Variants in GFRAL observed in about 807,000 individuals in gnomAD.
GFRAL encodes GDNF family receptor alpha-like.
In GFRAL, 36 loss-of-function variants were observed where a neutral mutation model predicts 45.4. That is an observed-to-expected ratio of 0.79 (90% CI 0.61 to 1.05). GFRAL has a LOEUF of 1.05. GFRAL is among the 50% of genes least tolerant of loss of function. The pLI, the probability that GFRAL is intolerant of heterozygous loss-of-function variation, is 0.00. For missense variants in GFRAL, 507 were observed against 467.5 expected, an observed-to-expected ratio of 1.08 and a Z score of -0.78; for synonymous variants, 166 against 154.1, an observed-to-expected ratio of 1.08 and a Z score of -0.57.
chr6:55,340,671 TG>T (rs1484340150), intron 3 of GFRAL, among the ~76,000 whole-genome samples: 1 of 151,890 alleles, frequency 6.6e-6, no homozygotes, highest in Non-Finnish European at 1.5e-5. Flanking sequence ...TGTCAGACAG[TG>T]GGGGCAGGAT....
rs1046119728 is a variant in GFRAL at position 55,390,911 on chromosome 6, C to T, written c.953-8269C>T. ...TCACACACATACACACACACACACA[C>T]ACACACACACACACACACACACAAG... On this transcript the variant is annotated intron_variant, in intron 6 of 8. Coordinates refer to ENST00000340465, the MANE Select transcript of GFRAL (RefSeq NM_207410.2). Among the ~76,000 whole-genome samples the T allele has an allele frequency of 1.1e-3, 165 of 151,552 alleles. No homozygotes were observed. In the East Asian group the frequency reaches 0.025, roughly 23 times the overall value.
intron 6 of GFRAL, among the ~76,000 whole-genome samples, chr6:55,385,980 A>G (rs1427103929): frequency 6.6e-6 from 1 of 152,096 alleles, no homozygotes; most frequent in Non-Finnish European, 1.5e-5. Context: ...AGCAAACTCC[A>G]GACTGTGTAT....
intron 5 of GFRAL, among the ~76,000 whole-genome samples, chr6:55,358,615 A>G (rs62419072): frequency 0.16 from 24,576 of 151,970 alleles, 2,300 homozygotes; most frequent in African/African-American, 0.25. Context: ...ATACATTGGA[A>G]TAAAATTAGT....
At chr6:55,348,068 T>G (rs1768066780) in intron 3 of GFRAL, among the ~76,000 whole-genome samples, 1 of 152,150 alleles carries the variant, frequency 6.6e-6, no homozygotes, top group African/African-American at 2.4e-5. Flanking sequence ...TATTAGATAT[T>G]AGAGCATATT....
intron 6 of GFRAL, among the ~76,000 whole-genome samples, chr6:55,369,105 G>A (rs1420332661): frequency 5.3e-5 from 8 of 151,446 alleles, no homozygotes; most frequent in South Asian, 2.1e-4. Context: ...CTCCGTGGGC[G>A]TAGGACCCTC....
chr6:55,370,340 T>G (rs1323307627), intron 6 of GFRAL, among the ~76,000 whole-genome samples: 4 of 152,070 alleles, frequency 2.6e-5, no homozygotes, highest in Non-Finnish European at 5.9e-5. Context: ...AAAAATCCAA[T>G]CAATATATTG....
chr6:55,365,558 A>G (rs1768349558), intron 6 of GFRAL, among the ~76,000 whole-genome samples: 1 of 102,930 alleles, frequency 9.7e-6, no homozygotes, highest in Non-Finnish European at 1.9e-5. Context: ...CCCATTCAGT[A>G]TGATATTGGC....
At chr6:55,371,888 G>A (rs887865142) in intron 6 of GFRAL, among the ~76,000 whole-genome samples, 2 of 152,156 alleles carry the variant, frequency 1.3e-5, no homozygotes, top group African/African-American at 4.8e-5. Flanking sequence ...TTAGCACCAT[G>A]TCTTTTCCCC....
At chr6:55,361,978 G>A in intron 6 of GFRAL, among the ~76,000 whole-genome samples, 1 of 151,862 alleles carries the variant, frequency 6.6e-6, no homozygotes, top group East Asian at 1.9e-4. Context: ...AGTAATATAT[G>A]TTTATATTAG....
At chr6:55,373,493 T>C (rs1581753835) in intron 6 of GFRAL, among the ~76,000 whole-genome samples, 1 of 152,254 alleles carries the variant, frequency 6.6e-6, no homozygotes, top group African/African-American at 2.4e-5. Context: ...GTACTTGCTT[T>C]TTATCAGTTA....
At chr6:55,338,139 G>A (rs1409650307) in intron 3 of GFRAL, among the ~76,000 whole-genome samples, 1 of 152,076 alleles carries the variant, frequency 6.6e-6, no homozygotes, top group Non-Finnish European at 1.5e-5. Flanking sequence ...CGCCCAGGCT[G>A]GAGTGCAGTG....
chr6:55,364,653 A>G lies in GFRAL; in HGVS notation c.952+5515A>G, dbSNP rs548747669. 3.2e-3 allele frequency among the ~76,000 whole-genome samples: 479 copies of G among 151,096 alleles called. 5 individuals carry two copies. Among genetic ancestry groups the G allele is most frequent in the African/African-American group, 0.01 (426 of 40,760 alleles). On this transcript the variant is annotated intron_variant, in intron 6 of 8. Transcript: ENST00000340465. ...AAGGGATTCAGTTTCAGCTTTCTACATATGGCTAGCCAGTTTTCCCAGCAC... is the reference window on the plus strand; with the variant it reads ...AAGGGATTCAGTTTCAGCTTTCTACGTATGGCTAGCCAGTTTTCCCAGCAC...
At chr6:55,390,363 T>C (rs2127365327) in intron 6 of GFRAL, among the ~76,000 whole-genome samples, 1 of 152,330 alleles carries the variant, frequency 6.6e-6, no homozygotes, top group African/African-American at 2.4e-5. Context: ...GATTTCTAGG[T>C]CATGCCACAT....
intron 6 of GFRAL, among the ~76,000 whole-genome samples, chr6:55,375,976 A>G (rs757091490): frequency 2.6e-5 from 4 of 152,122 alleles, no homozygotes; most frequent in Non-Finnish European, 4.4e-5. Flanking sequence ...CACATTCAGT[A>G]TAATATTGGT....
chr6:55,361,138 T>A (rs1341513774), intron 6 of GFRAL, among the ~76,000 whole-genome samples: 1 of 152,040 alleles, frequency 6.6e-6, no homozygotes, highest in Admixed American at 6.6e-5. Flanking sequence ...CAAAATGATT[T>A]CACTTTTCTT....
intron 8 of GFRAL, among the ~76,000 whole-genome samples, chr6:55,400,125 C>T (rs975999484): frequency 6.8e-6 from 1 of 146,690 alleles, no homozygotes; most frequent in African/African-American, 2.5e-5. Flanking sequence ...TACAACTATA[C>T]ATAAAATAGT....
intron 2 of GFRAL, among the ~76,000 whole-genome samples, chr6:55,332,570 C>T (rs1001242893): frequency 6.6e-6 from 1 of 151,954 alleles, no homozygotes; most frequent in Admixed American, 6.6e-5. Context: ...ACTACAGGCG[C>T]ATGCCACCAT....
At chr6:55,374,953 G>A (rs1768504112) in intron 6 of GFRAL, among the ~76,000 whole-genome samples, 1 of 152,024 alleles carries the variant, frequency 6.6e-6, no homozygotes, top group Non-Finnish European at 1.5e-5. Context: ...TCTTATTTTT[G>A]AGCTCTCTAT....
chr6:55,356,939 C>A (rs888932996), intron 5 of GFRAL, among the ~76,000 whole-genome samples: 1 of 151,634 alleles, frequency 6.6e-6, no homozygotes, highest in Non-Finnish European at 1.5e-5. Flanking sequence ...CTCTTAATTT[C>A]TTTATTTGCA....
Sources: allele counts gnomAD v4.1 joint callset (sites outside exome capture counted in the v4.1 genomes callset), GRCh38; gene constraint gnomAD v4.1.1; transcripts MANE v1.5; gene names NCBI Gene and HGNC (gene_info 2026-07-23, HGNC 2026-07-21).